Variants in CDH18 observed in about 807,000 individuals in gnomAD.
The protein encoded by CDH18 is cadherin-18.
In CDH18, 31 loss-of-function variants were observed where a neutral mutation model predicts 67.9. That is an observed-to-expected ratio of 0.46 (90% CI 0.34 to 0.62). The LOEUF is 0.62. CDH18 is among the 20% of genes least tolerant of loss of function. CDH18 has a pLI of 0.01. For synonymous variants in CDH18, 362 were observed against 347.2 expected, an observed-to-expected ratio of 1.04 and a Z score of -0.48; for missense variants, 890 against 975.5, an observed-to-expected ratio of 0.91 and a Z score of 1.17.
intron 2 of CDH18, among the ~76,000 whole-genome samples, chr5:20,123,428 T>G (rs1748540269): frequency 6.6e-6 from 1 of 152,160 alleles, no homozygotes; most frequent in South Asian, 2.1e-4. Context: ...CCTTACCAAA[T>G]GTATAGTCTG....
chr5:19,721,603 G>T, intron 4 of CDH18, 137 bp from the exon 5 acceptor site: 1 of 594,142 alleles, frequency 1.7e-6, no homozygotes, highest in Non-Finnish European at 2.7e-6. Flanking sequence ...TTAAATTTAT[G>T]TATAAAACAT....
chr5:20,107,701 C>T (rs1376463842), intron 2 of CDH18, among the ~76,000 whole-genome samples: 1 of 152,124 alleles, frequency 6.6e-6, no homozygotes, highest in African/African-American at 2.4e-5. Flanking sequence ...CTTCTCACTG[C>T]ATTCTCACAC....
At chr5:20,302,338 C>A (rs1736008873) in intron 1 of CDH18, among the ~76,000 whole-genome samples, 1 of 152,096 alleles carries the variant, frequency 6.6e-6, no homozygotes, top group African/African-American at 2.4e-5. Flanking sequence ...CAGCATCAGC[C>A]ACTTGCTTAC....
intron 2 of CDH18, among the ~76,000 whole-genome samples, chr5:20,058,274 G>A (rs1742169194): frequency 6.6e-6 from 1 of 152,114 alleles, no homozygotes. Context: ...TGTTCACACA[G>A]TTACTATTTT....
chr5:20,165,696 T>A (rs1736229407), intron 2 of CDH18, among the ~76,000 whole-genome samples: 1 of 152,110 alleles, frequency 6.6e-6, no homozygotes, highest in Non-Finnish European at 1.5e-5. Flanking sequence ...CTAAACTACC[T>A]AAAATATATT....
intron 4 of CDH18, among the ~76,000 whole-genome samples, chr5:19,727,207 G>C (rs561471971): frequency 7.7e-4 from 117 of 152,302 alleles, no homozygotes; most frequent in African/African-American, 2.7e-3. Context: ...AAATTGATAT[G>C]TTGAAGTCCT....
chr5:20,090,417 C>T (rs926699469), intron 2 of CDH18, among the ~76,000 whole-genome samples: 1 of 151,982 alleles, frequency 6.6e-6, no homozygotes, highest in African/African-American at 2.4e-5. Flanking sequence ...TGTCTGTAAT[C>T]CCAACTACTC....
chr5:20,568,648 T>C (rs1341266597), intron 1 of CDH18, among the ~76,000 whole-genome samples: 1 of 152,124 alleles, frequency 6.6e-6, no homozygotes, highest in African/African-American at 2.4e-5. Context: ...AACATACATA[T>C]CCATATACAG....
chr5:19,925,404 C>T (rs7380872), intron 2 of CDH18, among the ~76,000 whole-genome samples: 65,146 of 152,034 alleles, frequency 0.43, 16,400 homozygotes, highest in Middle Eastern at 0.64. Flanking sequence ...TATGCAAGAA[C>T]GCAAGACATC....
chr5:19,598,456 T>C (rs140529163), intron 6 of CDH18, among the ~76,000 whole-genome samples: 514 of 152,034 alleles, frequency 3.4e-3, no homozygotes, highest in South Asian at 6.0e-3. Flanking sequence ...AAATTTAAAA[T>C]GTAGAACAAT....
chr5:20,292,141 T>C (rs1554113556), intron 1 of CDH18, among the ~76,000 whole-genome samples: 1 of 152,220 alleles, frequency 6.6e-6, no homozygotes, highest in Non-Finnish European at 1.5e-5. Flanking sequence ...ATTCAGAACA[T>C]GGATGAAGGC....
chr5:19,588,065 C>T (rs1409142957), intron 7 of CDH18, among the ~76,000 whole-genome samples: 1 of 151,996 alleles, frequency 6.6e-6, no homozygotes, highest in Non-Finnish European at 1.5e-5. Context: ...AATGAGAGTT[C>T]ATTCATGATT....
At chr5:20,365,617 A>C (rs1056793901) in intron 1 of CDH18, among the ~76,000 whole-genome samples, 1 of 152,152 alleles carries the variant, frequency 6.6e-6, no homozygotes, top group Admixed American at 6.6e-5. Flanking sequence ...TTGATGGATA[A>C]ATTAATTAAA....
chr5:19,974,604 G>A lies in CDH18; in HGVS notation c.-257+6456C>T, dbSNP rs140190530. 1.3e-3 allele frequency among the ~76,000 whole-genome samples: 198 copies of A among 150,178 alleles called. 1 individual carries two copies. Among genetic ancestry groups the A allele is most frequent in the African/African-American group, 4.7e-3 (194 of 41,102 alleles). ...CATTAGAGAGTGATACTTTAATGATGTAACCAATTAAAGAGAGAAGTCAGG... is the reference window on the plus strand; with the variant it reads ...CATTAGAGAGTGATACTTTAATGATATAACCAATTAAAGAGAGAAGTCAGG... On this transcript the variant is annotated intron_variant, in intron 2 of 12. Coordinates refer to ENST00000382275, the MANE Select transcript of CDH18 (RefSeq NM_004934.5).
intron 1 of CDH18, among the ~76,000 whole-genome samples, chr5:20,471,009 C>T (rs1254574166): frequency 6.6e-6 from 1 of 152,182 alleles, no homozygotes; most frequent in Non-Finnish European, 1.5e-5. Context: ...ATTCCTGTTT[C>T]CCCAATTGCT....
intron 1 of CDH18, among the ~76,000 whole-genome samples, chr5:20,373,333 T>G (rs1743156918): frequency 6.6e-6 from 1 of 152,186 alleles, no homozygotes; most frequent in Admixed American, 6.5e-5. Context: ...GTTTCCTTTC[T>G]ACCCCAGGGC....
intron 2 of CDH18, among the ~76,000 whole-genome samples, chr5:20,071,217 AT>A (rs943604121): frequency 6.6e-6 from 1 of 151,890 alleles, no homozygotes; most frequent in African/African-American, 2.4e-5. Context: ...GCATCAGTGT[AT>A]TTTTTTTCTC....
At chr5:19,952,519 A>C (rs962933727) in intron 2 of CDH18, among the ~76,000 whole-genome samples, 1 of 152,182 alleles carries the variant, frequency 6.6e-6, no homozygotes, top group Non-Finnish European at 1.5e-5. Context: ...ACATCAGTCC[A>C]GTACCTTATG....
chr5:19,666,684 C>T (rs533253617), intron 5 of CDH18, among the ~76,000 whole-genome samples: 1 of 152,018 alleles, frequency 6.6e-6, no homozygotes, highest in African/African-American at 2.4e-5. Context: ...AGCTAACCTC[C>T]CAAAAGACAA....
Sources: gnomAD v4.1 joint callset for allele counts (sites outside exome capture counted in the v4.1 genomes callset) on GRCh38, gnomAD v4.1.1 for gene constraint, MANE v1.5 for transcripts, NCBI Gene and HGNC (gene_info 2026-07-23, HGNC 2026-07-21) for gene names.